Variants in FSTL4 observed in about 807,000 individuals in gnomAD.
FSTL4 encodes follistatin like 4.
Under a neutral mutation model 78.2 loss-of-function variants are expected in FSTL4, and 28 were observed. That is an observed-to-expected ratio of 0.36 (90% CI 0.27 to 0.49). The LOEUF is 0.49. Among genes scored for constraint, FSTL4 ranks in the 20% least tolerant of loss-of-function variants. The pLI is 0.98. For synonymous variants in FSTL4, 422 were observed against 440.5 expected, an observed-to-expected ratio of 0.96 and a Z score of 0.53; for missense variants, 922 against 1,084.9, an observed-to-expected ratio of 0.85 and a Z score of 2.11.
intron 3 of FSTL4, among the ~76,000 whole-genome samples, chr5:133,532,766 T>C (rs1561459719): frequency 1.3e-5 from 2 of 152,192 alleles, no homozygotes; most frequent in Non-Finnish European, 2.9e-5. Context: ...CAATGTCACC[T>C]GTGGCCATCC....
chr5:133,610,430 G>A (rs1451570189), intron 1 of FSTL4, among the ~76,000 whole-genome samples: 2 of 152,228 alleles, frequency 1.3e-5, no homozygotes, highest in East Asian at 3.8e-4. Flanking sequence ...TGAAGTCTTT[G>A]GAGAGGGTGG....
At chr5:133,655,770 G>A in the FSTL4 span, among the ~76,000 whole-genome samples, 2 of 152,204 alleles carry the variant, frequency 1.3e-5, no homozygotes, top group Non-Finnish European at 2.9e-5. Context: ...TAGTTGGGGT[G>A]TTCAGGAATT....
the FSTL4 span, among the ~76,000 whole-genome samples, chr5:133,786,507 T>C: frequency 1.4e-4 from 20 of 140,178 alleles, no homozygotes; most frequent in East Asian, 4.0e-3. Flanking sequence ...TAAGCTGCAG[T>C]TGTGGATCTA....
At position 133,351,409 on chromosome 5, in the gene FSTL4, A is replaced by G. The variant is rs543447144; in HGVS notation, c.410-34757T>C. ...AAAATTCCCAGCCATTATCTCTTCA[A>G]ACATTACTTTTTCATTCTTGCTATT... On this transcript the variant is annotated intron_variant, in intron 4 of 15. Coordinates refer to ENST00000265342, the MANE Select transcript of FSTL4 (RefSeq NM_015082.2). 6.0e-4 allele frequency among the ~76,000 whole-genome samples: 91 copies of G among 152,256 alleles called. No individual in the cohort carries two copies. In the Middle Eastern group the frequency reaches 0.017, roughly 28 times the overall value.
At position 133,276,307 on chromosome 5, in the gene FSTL4, G is replaced by A. The variant is rs541943188; in HGVS notation, c.728-26731C>T. Among the ~76,000 whole-genome samples the A allele has an allele frequency of 9.2e-5, 14 of 152,322 alleles. No individual in the cohort carries two copies. The South Asian group carries it at 2.7e-3, about 29-fold the overall frequency. ...GATGCTGGACCCCAGTGGAGAGGGA[G>A]GGCACGCGTAGGTGGCTCCTCTGAG... On this transcript the variant is annotated intron_variant, in intron 6 of 15. Transcript: ENST00000265342.
chr5:133,748,241 T>A, the FSTL4 span, among the ~76,000 whole-genome samples: 788 of 150,528 alleles, frequency 5.2e-3, 7 homozygotes, highest in African/African-American at 0.018. Context: ...TTCAACCAAC[T>A]GCTCCCTGCC....
the FSTL4 span, among the ~76,000 whole-genome samples, chr5:133,655,228 ACTAT>A: frequency 2.0e-5 from 3 of 151,876 alleles, no homozygotes; most frequent in East Asian, 1.9e-4. Flanking sequence ...CCCCATAATT[ACTAT>A]CTGTGTTCAG....
chr5:133,504,178 T>C (rs1192791482), intron 3 of FSTL4, among the ~76,000 whole-genome samples: 2 of 151,986 alleles, frequency 1.3e-5, no homozygotes, highest in Non-Finnish European at 1.5e-5. Context: ...AGCCAAACCG[T>C]ATCAATCATT....
chr5:133,310,880 G>A (rs1487744697), intron 6 of FSTL4, among the ~76,000 whole-genome samples: 3 of 152,136 alleles, frequency 2.0e-5, no homozygotes, highest in African/African-American at 7.2e-5. Flanking sequence ...GCCTACTGTT[G>A]TTCATGTTCC....
At chr5:133,210,377 T>C (rs938126261) in intron 13 of FSTL4, 79 bp from the exon 14 acceptor site, 2 of 794,210 alleles carry the variant, frequency 2.5e-6, no homozygotes, top group Non-Finnish European at 4.3e-6. Context: ...GCATCACTCC[T>C]GGGCGAGGGG....
intron 6 of FSTL4, among the ~76,000 whole-genome samples, chr5:133,254,905 C>T (rs1453895632): frequency 6.6e-6 from 1 of 152,216 alleles, no homozygotes; most frequent in Non-Finnish European, 1.5e-5. Flanking sequence ...CTGGCCACAT[C>T]TGCAGGGCTG....
At chr5:133,687,666 A>C in the FSTL4 span, among the ~76,000 whole-genome samples, 1 of 152,272 alleles carries the variant, frequency 6.6e-6, no homozygotes, top group African/African-American at 2.4e-5. Flanking sequence ...TTGTTTAGGC[A>C]CGTTCCTTAT....
chr5:133,662,858 G>C, the FSTL4 span, among the ~76,000 whole-genome samples: 1 of 152,132 alleles, frequency 6.6e-6, no homozygotes, highest in East Asian at 1.9e-4. Flanking sequence ...ATTTAACCAT[G>C]TGCCTTGGAG....
chr5:133,277,821 G>A (rs749933303), intron 6 of FSTL4, among the ~76,000 whole-genome samples: 1 of 152,214 alleles, frequency 6.6e-6, no homozygotes, highest in Non-Finnish European at 1.5e-5. Context: ...TGTTTTTGGG[G>A]GTTCATGCCA....
intron 3 of FSTL4, among the ~76,000 whole-genome samples, chr5:133,561,305 C>T (rs562644563): frequency 1.3e-5 from 2 of 152,022 alleles, no homozygotes; most frequent in African/African-American, 2.4e-5. Flanking sequence ...CCAACATTGC[C>T]TGTCCTGTGC....
chr5:133,613,518 A>C (rs2112989822), upstream of FSTL4, among the ~76,000 whole-genome samples: 1 of 152,368 alleles, frequency 6.6e-6, no homozygotes, highest in African/African-American at 2.4e-5. Flanking sequence ...AAGGGGAAGA[A>C]TAATGGAAGG....
At chr5:133,273,499 A>G (rs985047078) in intron 6 of FSTL4, among the ~76,000 whole-genome samples, 1 of 151,912 alleles carries the variant, frequency 6.6e-6, no homozygotes, top group Non-Finnish European at 1.5e-5. Context: ...GGCTCCTCTT[A>G]ATGGAGGAGG....
intron 3 of FSTL4, among the ~76,000 whole-genome samples, chr5:133,487,223 G>A (rs989466150): frequency 3.9e-5 from 6 of 152,210 alleles, no homozygotes; most frequent in African/African-American, 1.4e-4. Context: ...CACTGCCCAA[G>A]TCATGCCCTT....
At chr5:133,315,490 C>T (rs867121100) in intron 5 of FSTL4, among the ~76,000 whole-genome samples, 57 of 152,214 alleles carry the variant, frequency 3.7e-4, no homozygotes, top group African/African-American at 1.4e-3. Context: ...TCCCAATGAC[C>T]GGGCCACAGC....
Sources: allele counts gnomAD v4.1 joint callset (sites outside exome capture counted in the v4.1 genomes callset), GRCh38; gene constraint gnomAD v4.1.1; transcripts MANE v1.5; gene names NCBI Gene and HGNC (gene_info 2026-07-23, HGNC 2026-07-21).